The following DSCAM variants were observed in gnomAD, a reference collection of about 807,000 sequenced individuals.
The protein encoded by DSCAM is cell adhesion molecule DSCAM.
Under a neutral mutation model 217.7 loss-of-function variants are expected in DSCAM, and 47 were observed. The observed-to-expected ratio is 0.22, with a 90% CI of 0.17 to 0.28. The LOEUF is 0.28. DSCAM is among the 10% of genes least tolerant of loss of function. The pLI is 1.00. For synonymous variants in DSCAM, 1,056 were observed against 1,015.3 expected, an observed-to-expected ratio of 1.04 and a Z score of -0.76; for missense variants, 2,080 against 2,618.3, an observed-to-expected ratio of 0.79 and a Z score of 4.49.
At chr21:40,846,383 G>T (rs1245650321) in intron 1 of DSCAM, among the ~76,000 whole-genome samples, 1 of 151,970 alleles carries the variant, frequency 6.6e-6, no homozygotes, top group Non-Finnish European at 1.5e-5. Context: ...ACTTGGCTAG[G>T]TAAGCGCCTT....
chr21:40,659,017 A>G (rs1266769934), intron 3 of DSCAM, among the ~76,000 whole-genome samples: 2 of 152,126 alleles, frequency 1.3e-5, no homozygotes, highest in Admixed American at 1.3e-4. Context: ...TTGAGCTCTT[A>G]AGTGCTTCTT....
In DSCAM at chr21:40,177,229, A is replaced by C. The variant is rs61105569; in HGVS notation, c.2947+1698T>G. ...TTCTATTTTTTGCAGAAGCAGATTA[A>C]CACTTATTTCCCACTTATTTCTGAG... is the stretch of plus-strand genomic sequence containing the variant. On this transcript the variant is annotated intron_variant, in intron 15 of 32. Transcript: ENST00000400454. Among the ~76,000 whole-genome samples, 1,135 of 152,334 alleles carry C rather than the reference A, an allele frequency of 7.5e-3. 18 individuals carry two copies. Among genetic ancestry groups the C allele is most frequent in the African/African-American group, 0.026 (1,076 of 41,570 alleles).
chr21:40,092,199 C>A (rs1275486699), intron 21 of DSCAM, among the ~76,000 whole-genome samples: 1 of 152,152 alleles, frequency 6.6e-6, no homozygotes, highest in Non-Finnish European at 1.5e-5. Flanking sequence ...ATACTCCCTT[C>A]TTCCCCCATC....
chr21:40,570,699 C>T (rs1226801919), intron 3 of DSCAM, among the ~76,000 whole-genome samples: 1 of 152,104 alleles, frequency 6.6e-6, no homozygotes, highest in East Asian at 1.9e-4. Flanking sequence ...GAAAGCAAAA[C>T]TCAGATGGAA....
At chr21:40,578,656 C>T (rs1285641433) in intron 3 of DSCAM, among the ~76,000 whole-genome samples, 1 of 152,162 alleles carries the variant, frequency 6.6e-6, no homozygotes, top group African/African-American at 2.4e-5. Context: ...AATCTTGCTG[C>T]CACTCACTTT....
chr21:40,532,712 C>T (rs929683575), intron 3 of DSCAM, among the ~76,000 whole-genome samples: 1 of 151,990 alleles, frequency 6.6e-6, no homozygotes, highest in Non-Finnish European at 1.5e-5. Flanking sequence ...AGTACAGAGA[C>T]TCAAAGGAAA....
At chr21:40,411,709 A>T (rs1190876435) in intron 3 of DSCAM, among the ~76,000 whole-genome samples, 2 of 152,196 alleles carry the variant, frequency 1.3e-5, no homozygotes. Flanking sequence ...GAGAGAAGAC[A>T]CACATTACCA....
At chr21:40,145,777 G>A (rs1003561486) in intron 16 of DSCAM, among the ~76,000 whole-genome samples, 3 of 152,010 alleles carry the variant, frequency 2.0e-5, no homozygotes, top group Admixed American at 6.6e-5. Context: ...CCCGGGAGGC[G>A]GAGGTTGCAG....
chr21:40,396,786 A>G (rs2075182779), intron 3 of DSCAM, among the ~76,000 whole-genome samples: 1 of 152,178 alleles, frequency 6.6e-6, no homozygotes, highest in Admixed American at 6.5e-5. Flanking sequence ...CTATAGAATT[A>G]ATGTTTATAG....
At chr21:40,437,271 G>A (rs1000884872) in intron 3 of DSCAM, among the ~76,000 whole-genome samples, 1 of 152,164 alleles carries the variant, frequency 6.6e-6, no homozygotes. Context: ...GAGACTTGCT[G>A]TGGGAATTGC....
intron 3 of DSCAM, among the ~76,000 whole-genome samples, chr21:40,643,765 G>T (rs1407112698): frequency 1.3e-5 from 2 of 152,206 alleles, no homozygotes; most frequent in Non-Finnish European, 2.9e-5. Flanking sequence ...AGATACCAGG[G>T]ATGTGTGCAC....
At chr21:40,527,943 T>A (rs554738790) in intron 3 of DSCAM, among the ~76,000 whole-genome samples, 1 of 152,148 alleles carries the variant, frequency 6.6e-6, no homozygotes, top group Non-Finnish European at 1.5e-5. Context: ...CCACTAGTCA[T>A]CTCCAGGAGT....
At chr21:40,596,475 T>C (rs553141405) in intron 3 of DSCAM, among the ~76,000 whole-genome samples, 2 of 152,178 alleles carry the variant, frequency 1.3e-5, no homozygotes, top group Non-Finnish European at 2.9e-5. Context: ...ATTATTCAGT[T>C]AGCTAAAAGA....
At chr21:40,253,655 A>G (rs550772739) in intron 11 of DSCAM, among the ~76,000 whole-genome samples, 2 of 152,346 alleles carry the variant, frequency 1.3e-5, no homozygotes, top group East Asian at 1.9e-4. Context: ...GATTTAATCA[A>G]TCACGCCTCC....
intron 1 of DSCAM, among the ~76,000 whole-genome samples, chr21:40,805,660 C>A (rs531411116): frequency 6.6e-6 from 1 of 151,938 alleles, no homozygotes; most frequent in Admixed American, 6.6e-5. Context: ...TGACACTCAG[C>A]CCATACCATA....
chr21:40,499,640 C>T (rs1190023356), intron 3 of DSCAM, among the ~76,000 whole-genome samples: 2 of 152,158 alleles, frequency 1.3e-5, no homozygotes, highest in Non-Finnish European at 2.9e-5. Flanking sequence ...CTTTTCCAAA[C>T]CATATCTAAG....
rs140213562 is a variant in DSCAM, at chr21:40,761,046, T to G, written c.44-52275A>C. ...GGAATGCAACAGTCATTGTTGAATT[T>G]CTACCCTCACCTAACCAGGCAATTC... On this transcript the variant is annotated intron_variant, in intron 1 of 32. Transcript: ENST00000400454. Among the ~76,000 whole-genome samples the G allele has an allele frequency of 3.6e-3, 552 of 152,358 alleles. 3 individuals carry two copies. The highest frequency in any genetic ancestry group is 0.013 in the African/African-American group (521 of 41,578).
intron 1 of DSCAM, among the ~76,000 whole-genome samples, chr21:40,830,216 A>G (rs975661955): frequency 2.0e-5 from 3 of 152,198 alleles, no homozygotes; most frequent in African/African-American, 7.2e-5. Flanking sequence ...TCATGAAGGA[A>G]GGTGAGAGGG....
chr21:40,216,667 G>T (rs2091246345), intron 11 of DSCAM, among the ~76,000 whole-genome samples: 1 of 152,202 alleles, frequency 6.6e-6, no homozygotes, highest in African/African-American at 2.4e-5. Context: ...CACTTAAATT[G>T]TTCATCATAG....
Sources: allele counts gnomAD v4.1 joint callset (sites outside exome capture counted in the v4.1 genomes callset), GRCh38; gene constraint gnomAD v4.1.1; transcripts MANE v1.5; gene names NCBI Gene and HGNC (gene_info 2026-07-23, HGNC 2026-07-21).